The following ERICH1 variants were observed in gnomAD, a reference collection of about 807,000 sequenced individuals.
ERICH1 encodes glutamate rich 1.
A neutral mutation model predicts 39.6 loss-of-function variants in ERICH1; 56 were observed. The observed-to-expected ratio is 1.41, with a 90% CI of 1.14 to 1.77. The LOEUF (loss-of-function observed/expected upper bound fraction) is 1.77, where lower values mean the gene tolerates loss of function less well. ERICH1 is among the 40% of genes most tolerant of loss of function. The pLI is 0.00. For synonymous variants in ERICH1, 313 were observed against 223.6 expected (o/e 1.40, Z -3.57); for missense variants, 826 against 575.4 (o/e 1.44, Z -4.45).
At chr8:644,700 C>G (rs551346786) in intron 3 of ERICH1, among the ~76,000 whole-genome samples, 1 of 68,312 alleles carries the variant, frequency 1.5e-5, no homozygotes, top group African/African-American at 3.7e-5. Context: ...CAGTGTTGGT[C>G]TTAGGAGGAA....
chr8:725,753 C>T (rs1818465695), intron 1 of ERICH1: 1 of 153,170 alleles, frequency 6.5e-6, no homozygotes, highest in African/African-American at 2.4e-5. Context: ...CCAACCTCAC[C>T]ATGCACCAAC....
Position 673,822 on chromosome 8 carries a change from G to A in ERICH1, c.530C>T (p.Ala177Val). 1.2e-6 allele frequency: 2 copies of A among 1,614,124 alleles called. No homozygotes were observed. The highest frequency in any genetic ancestry group is 1.7e-6 in the Non-Finnish European group (2 of 1,180,046). Residue 177 changes from alanine to valine, a missense_variant, in exon 4 of 6, where the codon GCC (alanine) becomes GTC (valine). Coordinates refer to ENST00000262109, the MANE Select transcript of ERICH1 (RefSeq NM_207332.3). The stretch of plus-strand genomic sequence containing the variant: ...ACCAGCAGCCTTTGCTGCCAAGCCG[G>A]CTGCTTTCTTCCTTTTAATTTGCTG... ...KKQQIKRKKA[A>V]GLAAKAAGVS...
intron 4 of ERICH1, among the ~76,000 whole-genome samples, chr8:669,941 TAA>T (rs1802912696): frequency 6.6e-6 from 1 of 152,180 alleles, no homozygotes; most frequent in Admixed American, 6.5e-5. Context: ...AACAATGGTG[TAA>T]AACTCCCAAA....
intron 3 of ERICH1, among the ~76,000 whole-genome samples, chr8:623,508 A>G (rs970279599): frequency 1.3e-5 from 2 of 152,336 alleles, no homozygotes; most frequent in South Asian, 2.1e-4. Context: ...TTCCAGGTTT[A>G]TTGAGGTATC....
intron 2 of ERICH1, among the ~76,000 whole-genome samples, chr8:693,470 C>A (rs1044248050): frequency 1.3e-5 from 2 of 152,254 alleles, no homozygotes. Flanking sequence ...TCCTCAATGG[C>A]CATGTGGAGC....
At chr8:728,440 C>G (rs62484222) in intron 1 of ERICH1, among the ~76,000 whole-genome samples, 3 of 152,282 alleles carry the variant, frequency 2.0e-5, no homozygotes, top group African/African-American at 7.2e-5. Flanking sequence ...CCTCACCCAT[C>G]GCAGCAGGCC....
intron 2 of ERICH1, among the ~76,000 whole-genome samples, chr8:710,523 G>A (rs539437780): frequency 2.7e-5 from 3 of 112,064 alleles, no homozygotes; most frequent in Admixed American, 2.6e-4. Flanking sequence ...GTCCTGCAAG[G>A]CCCCTGGGCT....
intron 2 of ERICH1, among the ~76,000 whole-genome samples, chr8:695,877 A>C (rs1184205675): frequency 2.5e-3 from 106 of 42,036 alleles, no homozygotes; most frequent in African/African-American, 8.2e-3. Context: ...CTCACCCTCC[A>C]CTCCTCTCCT....
Position 692,624 on chromosome 8 carries a change from G to C in ERICH1, c.170-12C>G. ...CTCAGAGCCAGTGTCTGCAACACAG[G>C]AGGAAAATAACAGGAACTGGTAAAT... On this transcript the variant is annotated splice_polypyrimidine_tract_variant and intron_variant, in intron 2 of 5. Coordinates refer to ENST00000262109, the MANE Select transcript of ERICH1 (RefSeq NM_207332.3). 6.4e-7 allele frequency: 1 copy of C among 1,564,610 alleles called. No homozygotes were observed. The highest frequency in any genetic ancestry group is 8.7e-7 in the Non-Finnish European group (1 of 1,154,426).
At chr8:722,988 T>C (rs1362295381) in intron 1 of ERICH1, among the ~76,000 whole-genome samples, 1 of 152,216 alleles carries the variant, frequency 6.6e-6, no homozygotes, top group Non-Finnish European at 1.5e-5. Flanking sequence ...CCAAATCCCA[T>C]GGTGACATGT....
intron 1 of ERICH1, among the ~76,000 whole-genome samples, chr8:723,543 A>G (rs1415371481): frequency 6.6e-6 from 1 of 152,206 alleles, no homozygotes; most frequent in Non-Finnish European, 1.5e-5. Context: ...CACTAAAACC[A>G]CAAAACACAC....
chr8:691,359 GTC>G (rs200192752), intron 3 of ERICH1, among the ~76,000 whole-genome samples: 2 of 152,238 alleles, frequency 1.3e-5, no homozygotes, highest in Non-Finnish European at 2.9e-5. Flanking sequence ...GACACAGCCT[GTC>G]TGGGAAGCAG....
At chr8:673,156 G>T (rs6559065) in intron 4 of ERICH1, 133 bp downstream of exon 4, 1 of 1,107,690 alleles carries the variant, frequency 9.0e-7, no homozygotes, top group Non-Finnish European at 1.2e-6. Flanking sequence ...ACTTATATTA[G>T]TTGCCTTACA....
intron 3 of ERICH1, chr8:626,176 C>T (rs1392585212): frequency 6.6e-6 from 1 of 152,058 alleles, no homozygotes; most frequent in Non-Finnish European, 1.5e-5. Flanking sequence ...TAAAGATGAG[C>T]AAAAATAGAC....
At chr8:698,757 C>A (rs761420210) in intron 2 of ERICH1, among the ~76,000 whole-genome samples, 1 of 152,126 alleles carries the variant, frequency 6.6e-6, no homozygotes, top group Middle Eastern at 3.2e-3. Context: ...GGATTACAGG[C>A]GTGAGTCACT....
intron 1 of ERICH1, among the ~76,000 whole-genome samples, chr8:730,360 T>C (rs1277658636): frequency 6.6e-6 from 1 of 152,206 alleles, no homozygotes; most frequent in Non-Finnish European, 1.5e-5. Context: ...TATCTTTTCA[T>C]TTCAAAGGGA....
At chr8:638,834 G>T (rs1798670105) in intron 3 of ERICH1, among the ~76,000 whole-genome samples, 1 of 152,066 alleles carries the variant, frequency 6.6e-6, no homozygotes, top group South Asian at 2.1e-4. Context: ...CGAGAGCAAG[G>T]CCACGGCAGT....
rs186625979 is a variant in ERICH1, at chr8:711,389, G to A, written c.169+4472C>T. Reference sequence around the variant, plus strand: ...ATCAATTCTTTCTTTGATTGATCAAGCCTTTGGTGTTGTAGCTAAAAAGTC... The same window carrying A: ...ATCAATTCTTTCTTTGATTGATCAAACCTTTGGTGTTGTAGCTAAAAAGTC... On this transcript the variant is annotated intron_variant, in intron 2 of 5. Transcript: ENST00000262109. Among the ~76,000 whole-genome samples, 179 of 152,198 alleles carry A rather than the reference G, an allele frequency of 1.2e-3. 1 individual carries two copies. The highest frequency in any genetic ancestry group is 4.2e-3 in the African/African-American group (175 of 41,528).
chr8:683,853 G>C (rs1806710663), intron 3 of ERICH1, among the ~76,000 whole-genome samples: 1 of 152,092 alleles, frequency 6.6e-6, no homozygotes, highest in African/African-American at 2.4e-5. Flanking sequence ...CTAAACATGT[G>C]GCCAAATACA....
Sources: gnomAD v4.1 joint callset for allele counts (sites outside exome capture counted in the v4.1 genomes callset) on GRCh38, gnomAD v4.1.1 for gene constraint, MANE v1.5 for transcripts, NCBI Gene and HGNC (gene_info 2026-07-23, HGNC 2026-07-21) for gene names.